PPFIBP1: variants seen among roughly 807,000 people sequenced by gnomAD.
PPFIBP1 encodes the protein liprin-beta-1.
In PPFIBP1, 112 loss-of-function variants were observed where a neutral mutation model predicts 137.8. That is an observed-to-expected ratio of 0.81 (90% CI 0.70 to 0.95). The LOEUF is 0.95. PPFIBP1 is among the 40% of genes least tolerant of loss of function. The pLI is 0.00. For missense variants in PPFIBP1, 1,083 were observed against 1,196.6 expected (o/e 0.91, Z 1.40); for synonymous variants, 378 against 417.3 (o/e 0.91, Z 1.15).
chr12:27,567,293 C>T (rs188246019), intron 1 of PPFIBP1, among the ~76,000 whole-genome samples: 100 of 152,272 alleles, frequency 6.6e-4, no homozygotes, highest in African/African-American at 2.1e-3. Context: ...ATCTATCAAC[C>T]AACCACAGTG....
At chr12:27,646,326 C>G (rs1029137275) in intron 5 of PPFIBP1, 178 bp downstream of exon 5, 7 of 647,200 alleles carry the variant, frequency 1.1e-5, no homozygotes, top group South Asian at 9.1e-5. Flanking sequence ...TGTTTACACC[C>G]AGTTTAAAAG....
chr12:27,682,920 A>G (rs1251869242), intron 24 of PPFIBP1, among the ~76,000 whole-genome samples: 1 of 152,094 alleles, frequency 6.6e-6, no homozygotes, highest in South Asian at 2.1e-4. Flanking sequence ...TGAAACCCCA[A>G]TGTAAGCTAA....
At chr12:27,687,621 A>T in intron 25 of PPFIBP1, 114 bp downstream of exon 25, 1 of 1,252,396 alleles carries the variant, frequency 8.0e-7, no homozygotes, top group East Asian at 2.5e-5. Context: ...CTTAAAATCC[A>T]GCCTCATTTA....
intron 2 of PPFIBP1, among the ~76,000 whole-genome samples, chr12:27,627,619 A>G (rs1329551073): frequency 1.3e-5 from 2 of 152,202 alleles, no homozygotes; most frequent in African/African-American, 2.4e-5. Context: ...TTTTCTTCAC[A>G]GGAAGACTGG....
intron 1 of PPFIBP1, chr12:27,547,659 G>T (rs1179999160): frequency 2.0e-5 from 3 of 152,340 alleles, no homozygotes; most frequent in Non-Finnish European, 4.4e-5. Context: ...GGCAAATGTG[G>T]TTGCGTCTGA....
At chr12:27,682,759 A>G in intron 24 of PPFIBP1, 56 bp downstream of exon 24, 2 of 1,612,272 alleles carry the variant, frequency 1.2e-6, no homozygotes, top group Admixed American at 1.7e-5. Context: ...TCTGAAAAAC[A>G]CAGGAATTGA....
chr12:27,644,811 T>C (rs1385197857), intron 4 of PPFIBP1, among the ~76,000 whole-genome samples: 1 of 152,240 alleles, frequency 6.6e-6, no homozygotes, highest in African/African-American at 2.4e-5. Context: ...ATTGCACCCT[T>C]ACTAAATTAG....
chr12:27,645,072 GT>G (rs2058379593), intron 4 of PPFIBP1, among the ~76,000 whole-genome samples: 1 of 152,140 alleles, frequency 6.6e-6, no homozygotes, highest in African/African-American at 2.4e-5. Context: ...AAGTTATACA[GT>G]TTGTATTTTT....
intron 1 of PPFIBP1, among the ~76,000 whole-genome samples, chr12:27,536,284 G>C (rs1259461061): frequency 6.6e-6 from 1 of 152,184 alleles, no homozygotes; most frequent in Non-Finnish European, 1.5e-5. Flanking sequence ...CGTATGTTAG[G>C]CTGTTTTGCA....
At chr12:27,572,308 A>G (rs915583151) in intron 1 of PPFIBP1, among the ~76,000 whole-genome samples, 6 of 152,338 alleles carry the variant, frequency 3.9e-5, no homozygotes, top group Admixed American at 3.9e-4. Context: ...GGCTGCCAGT[A>G]CAGTCTCACA....
At chr12:27,674,779 C>A (rs779882301) in intron 17 of PPFIBP1, among the ~76,000 whole-genome samples, 1 of 148,322 alleles carries the variant, frequency 6.7e-6, no homozygotes, top group African/African-American at 2.5e-5. Context: ...TTAAAGATGT[C>A]GTCAACATGT....
chr12:27,526,249 A>G (rs957833037), intron 1 of PPFIBP1, among the ~76,000 whole-genome samples: 8 of 152,224 alleles, frequency 5.3e-5, no homozygotes, highest in Non-Finnish European at 8.8e-5. Context: ...TTAGGATGTT[A>G]TCCTTATGTG....
At chr12:27,676,012 T>C (rs1275971888) in intron 17 of PPFIBP1, among the ~76,000 whole-genome samples, 3 of 152,174 alleles carry the variant, frequency 2.0e-5, no homozygotes, top group African/African-American at 7.2e-5. Context: ...GACAAAGTTA[T>C]AATATAAGAA....
intron 27 of PPFIBP1, 40 bp from the exon 28 acceptor site, chr12:27,691,709 T>G: frequency 6.4e-7 from 1 of 1,553,736 alleles, no homozygotes; most frequent in Non-Finnish European, 8.8e-7. Flanking sequence ...ATGAATTTTA[T>G]CAAATCCTTT....
intron 8 of PPFIBP1, among the ~76,000 whole-genome samples, chr12:27,655,859 AG>A (rs1565951176): frequency 8.5e-5 from 13 of 152,360 alleles, no homozygotes; most frequent in African/African-American, 2.6e-4. Context: ...TGTACTTCTT[AG>A]CATTGCATAG....
chr12:27,532,438 T>C (rs1288946489), intron 1 of PPFIBP1, among the ~76,000 whole-genome samples: 2 of 151,370 alleles, frequency 1.3e-5, no homozygotes, highest in Admixed American at 1.3e-4. Context: ...CTTATGGGAG[T>C]TGGGATGAAG....
chr12:27,539,697 T>C (rs1945443051), intron 1 of PPFIBP1, among the ~76,000 whole-genome samples: 1 of 152,046 alleles, frequency 6.6e-6, no homozygotes, highest in African/African-American at 2.4e-5. Context: ...TATTTGAAAT[T>C]GTTACACTTT....
At chr12:27,660,447 C>A (rs1386113774) in intron 10 of PPFIBP1, among the ~76,000 whole-genome samples, 1 of 152,214 alleles carries the variant, frequency 6.6e-6, no homozygotes, top group Non-Finnish European at 1.5e-5. Context: ...CAGGCACTTA[C>A]CGTTCATTCA....
At chr12:27,588,509 G>A (rs960989219) in intron 2 of PPFIBP1, among the ~76,000 whole-genome samples, 9 of 152,166 alleles carry the variant, frequency 5.9e-5, no homozygotes, top group Admixed American at 2.0e-4. Context: ...AGTGAAACTT[G>A]AAAACAACTA....
Sources: allele counts gnomAD v4.1 joint callset (sites outside exome capture counted in the v4.1 genomes callset), GRCh38; gene constraint gnomAD v4.1.1; transcripts MANE v1.5; gene names NCBI Gene and HGNC (gene_info 2026-07-23, HGNC 2026-07-21).